Variants in WWOX observed in about 807,000 individuals in gnomAD.
WWOX encodes the protein WW domain-containing oxidoreductase.
Under a neutral mutation model 46.2 loss-of-function variants are expected in WWOX, and 69 were observed. That is an observed-to-expected ratio of 1.49 (90% CI 1.23 to 1.82). The LOEUF is 1.82. Among genes scored for constraint, WWOX ranks in the 40% most tolerant of loss-of-function variants. WWOX has a pLI of 0.00. For missense variants in WWOX, 919 were observed against 542.6 expected (o/e 1.69, Z -6.89); for synonymous variants, 359 against 202.6 (o/e 1.77, Z -6.56).
At chr16:78,393,106 G>A (rs528010938) in intron 6 of WWOX, among the ~76,000 whole-genome samples, 2 of 152,122 alleles carry the variant, frequency 1.3e-5, no homozygotes, top group East Asian at 3.9e-4. Flanking sequence ...TCCTGGAGAG[G>A]AGCCAGACTT....
At chr16:79,020,743 T>C (rs2047516670) in intron 8 of WWOX, among the ~76,000 whole-genome samples, 1 of 152,182 alleles carries the variant, frequency 6.6e-6, no homozygotes, top group African/African-American at 2.4e-5. Context: ...GGTGTTGATG[T>C]CAACACGCAT....
At chr16:78,499,178 C>T (rs1400083330) in intron 8 of WWOX, among the ~76,000 whole-genome samples, 2 of 152,036 alleles carry the variant, frequency 1.3e-5, no homozygotes, top group Admixed American at 6.5e-5. Context: ...GCGTATCTAA[C>T]ACTTGAAGGT....
intron 8 of WWOX, among the ~76,000 whole-genome samples, chr16:79,061,745 G>C (rs1023151957): frequency 6.6e-6 from 1 of 152,164 alleles, no homozygotes; most frequent in Non-Finnish European, 1.5e-5. Flanking sequence ...TCTTAGAGTC[G>C]TTAAGGTTTT....
chr16:79,184,565 A>G (rs2050976340), intron 8 of WWOX, among the ~76,000 whole-genome samples: 1 of 152,048 alleles, frequency 6.6e-6, no homozygotes, highest in Non-Finnish European at 1.5e-5. Flanking sequence ...GGTGTTGTGC[A>G]CCCACTCTGC....
intron 8 of WWOX, among the ~76,000 whole-genome samples, chr16:79,124,349 G>A (rs201184801): frequency 6.6e-6 from 1 of 150,722 alleles, no homozygotes. Flanking sequence ...TGGACTTTTT[G>A]AAAAAAAAAT....
At chr16:79,006,367 G>A (rs865798861) in intron 8 of WWOX, among the ~76,000 whole-genome samples, 19 of 152,146 alleles carry the variant, frequency 1.2e-4, no homozygotes, top group Non-Finnish European at 1.6e-4. Flanking sequence ...GCATGGCACC[G>A]GCAGAGGATG....
At chr16:78,935,977 G>A (rs998729307) in intron 8 of WWOX, among the ~76,000 whole-genome samples, 14 of 152,154 alleles carry the variant, frequency 9.2e-5, no homozygotes, top group Admixed American at 2.0e-4. Flanking sequence ...AGTTGGAAGG[G>A]TGTGATGGGA....
intron 5 of WWOX, among the ~76,000 whole-genome samples, chr16:78,285,301 G>C (rs763136265): frequency 1.3e-5 from 2 of 152,004 alleles, no homozygotes; most frequent in Non-Finnish European, 2.9e-5. Flanking sequence ...TAACCGGGCT[G>C]GGTGGCACCC....
Position 78,951,037 on chromosome 16 carries a change from G to A in WWOX, c.1057-260571G>A, listed in dbSNP as rs565733970. On this transcript the variant is annotated intron_variant, in intron 8 of 8. Coordinates refer to ENST00000566780, the MANE Select transcript of WWOX (RefSeq NM_016373.4). ...CTCAGGCCAGACATTGTAGGTGGCAGCAATTGTAGGACAATGAGAAGAGGC... is the reference window on the plus strand; with the variant it reads ...CTCAGGCCAGACATTGTAGGTGGCAACAATTGTAGGACAATGAGAAGAGGC... Among the ~76,000 whole-genome samples, 8 of 152,290 alleles carry A rather than the reference G, an allele frequency of 5.3e-5. No homozygotes were observed. The South Asian group carries it at 1.7e-3, about 32-fold the overall frequency.
chr16:78,272,059 C>A (rs919731961), intron 5 of WWOX, among the ~76,000 whole-genome samples: 1 of 152,158 alleles, frequency 6.6e-6, no homozygotes, highest in African/African-American at 2.4e-5. Flanking sequence ...GTGGATGTTC[C>A]AATTTATGTA....
Position 78,767,655 on chromosome 16 carries a change from A to G in WWOX, c.1056+334903A>G, listed in dbSNP as rs571482913. On this transcript the variant is annotated intron_variant, in intron 8 of 8. Coordinates refer to ENST00000566780, the MANE Select transcript of WWOX (RefSeq NM_016373.4). ...TTGAGAAACTGCCAAACTGTCTTCA[A>G]CAGCAGCCGCATCATTTTACATTCC... Among the ~76,000 whole-genome samples the G allele has an allele frequency of 4.6e-5, 7 of 152,306 alleles. No individual in the cohort carries two copies. The South Asian group carries it at 6.2e-4, about 14-fold the overall frequency.
At chr16:78,495,394 G>C (rs1283025900) in intron 8 of WWOX, among the ~76,000 whole-genome samples, 1 of 151,542 alleles carries the variant, frequency 6.6e-6, no homozygotes, top group Non-Finnish European at 1.5e-5. Flanking sequence ...GCCCGCCTTG[G>C]CCTCCCAAAG....
intron 8 of WWOX, among the ~76,000 whole-genome samples, chr16:78,878,571 C>T (rs181576492): frequency 1.3e-5 from 2 of 152,236 alleles, no homozygotes; most frequent in East Asian, 1.9e-4. Flanking sequence ...TATATTAACA[C>T]CTATTTTACA....
At chr16:79,058,077 C>G (rs895636989) in intron 8 of WWOX, among the ~76,000 whole-genome samples, 2 of 148,954 alleles carry the variant, frequency 1.3e-5, no homozygotes, top group African/African-American at 5.0e-5. Context: ...AATGTGTGAG[C>G]TTAGCCAGAG....
intron 8 of WWOX, among the ~76,000 whole-genome samples, chr16:78,976,025 A>G (rs2046565763): frequency 2.0e-5 from 3 of 152,100 alleles, no homozygotes; most frequent in Admixed American, 6.5e-5. Flanking sequence ...TGTCCTTTCA[A>G]TGGTGCGTTT....
chr16:78,615,149 C>G (rs919642796), intron 8 of WWOX, among the ~76,000 whole-genome samples: 3 of 152,180 alleles, frequency 2.0e-5, no homozygotes, highest in Non-Finnish European at 4.4e-5. Flanking sequence ...TTAAAATACT[C>G]ACATTCCCAT....
intron 8 of WWOX, among the ~76,000 whole-genome samples, chr16:78,829,141 G>GAC (rs2051743541): frequency 6.6e-6 from 1 of 151,762 alleles, no homozygotes; most frequent in Admixed American, 6.6e-5. Flanking sequence ...GAGAGAGAGA[G>GAC]AGACAGATAG....
At chr16:78,401,338 C>T (rs2082408336) in intron 6 of WWOX, among the ~76,000 whole-genome samples, 2 of 152,112 alleles carry the variant, frequency 1.3e-5, no homozygotes, top group African/African-American at 4.8e-5. Context: ...CCTAATATTT[C>T]TTAAAGTAGC....
rs114550820 is a variant in WWOX at position 78,650,541 on chromosome 16, G to A, written c.1056+217789G>A. On this transcript the variant is annotated intron_variant, in intron 8 of 8. Coordinates refer to ENST00000566780, the MANE Select transcript of WWOX (RefSeq NM_016373.4). ...CTAAAGCCCGAGTCGTATGAATCCA[G>A]GACACCTGCCTGCAAATGCATTTTT... Among the ~76,000 whole-genome samples the A allele has an allele frequency of 8.3e-3, 1,263 of 152,202 alleles. 18 individuals carry two copies. Among genetic ancestry groups the A allele is most frequent in the African/African-American group, 0.028 (1,159 of 41,522 alleles).
Sources: gnomAD v4.1 joint callset for allele counts (sites outside exome capture counted in the v4.1 genomes callset) on GRCh38, gnomAD v4.1.1 for gene constraint, MANE v1.5 for transcripts, NCBI Gene and HGNC (gene_info 2026-07-23, HGNC 2026-07-21) for gene names.